The following GLI2 variants were observed in gnomAD, a reference collection of about 807,000 sequenced individuals.
The protein encoded by GLI2 is transcription activator GLI2.
A neutral mutation model predicts 78.9 loss-of-function variants in GLI2; 22 were observed. That is an observed-to-expected ratio of 0.28 (90% CI 0.20 to 0.40). GLI2 has a LOEUF of 0.40. Ranked by LOEUF, GLI2 falls within the 10% of genes least tolerant of loss-of-function variation. The pLI is 1.00. For missense variants in GLI2, 2,097 were observed against 2,213.2 expected, an observed-to-expected ratio of 0.95 and a Z score of 1.05; for synonymous variants, 974 against 963.7, an observed-to-expected ratio of 1.01 and a Z score of -0.20.
At chr2:120,813,197 G>A (rs1685340590) in intron 2 of GLI2, among the ~76,000 whole-genome samples, 1 of 152,228 alleles carries the variant, frequency 6.6e-6, no homozygotes, top group East Asian at 1.9e-4. Flanking sequence ...TTCCCAAGGA[G>A]GAATTGGAGG....
intron 5 of GLI2, among the ~76,000 whole-genome samples, chr2:120,958,898 G>C (rs901029673): frequency 6.6e-6 from 1 of 152,240 alleles, no homozygotes; most frequent in Non-Finnish European, 1.5e-5. Flanking sequence ...GGCCCGCCCT[G>C]TCAGGTCTGG....
rs186727794 is a variant in GLI2 at position 120,872,436 on chromosome 2, C to T, written c.149-54925C>T. ...CACCTGCCCAGACTAGGGGTGGACA[C>T]AGGGGCTGCAGGATGCATAGAATGT... On this transcript the variant is annotated intron_variant, in intron 2 of 13. Transcript: ENST00000361492. 2.7e-4 allele frequency among the ~76,000 whole-genome samples: 41 copies of T among 152,320 alleles called. No homozygotes were observed. The East Asian group carries it at 7.5e-3, about 28-fold the overall frequency.
chr2:120,768,799 C>CTGTGTGTGTGTGTGTGTG (rs5833852), intron 1 of GLI2, among the ~76,000 whole-genome samples: 1 of 147,628 alleles, frequency 6.8e-6, no homozygotes, highest in African/African-American at 2.5e-5. Flanking sequence ...GGCCCCGCCC[C>CTGTGTGTGTGTGTGTGTG]TGTGTGTGTG....
intron 2 of GLI2, among the ~76,000 whole-genome samples, chr2:120,901,919 AT>A (rs914063568): frequency 1.3e-5 from 2 of 152,088 alleles, no homozygotes; most frequent in African/African-American, 4.8e-5. Context: ...TATACTTGTA[AT>A]TTTTTAGGTA....
Position 120,828,312 on chromosome 2 carries a change from C to T in GLI2, c.148+30844C>T, listed in dbSNP as rs117331903. Among the ~76,000 whole-genome samples the T allele has an allele frequency of 1.8e-3, 276 of 152,340 alleles. 8 individuals carry two copies. In the East Asian group the frequency reaches 0.047, roughly 26 times the overall value. On this transcript the variant is annotated intron_variant, in intron 2 of 13. Transcript: ENST00000361492. ...TCACCAGAGAAAGCACCTGTGAGGC[C>T]AGCCTCTTGTCTGAGCCCCTGCCCG... is the stretch of plus-strand genomic sequence containing the variant.
At chr2:120,873,074 C>T (rs974881997) in intron 2 of GLI2, among the ~76,000 whole-genome samples, 8 of 152,222 alleles carry the variant, frequency 5.3e-5, no homozygotes, top group Non-Finnish European at 1.0e-4. Context: ...TACCTGCCTG[C>T]TTTTTACAAA....
In GLI2 at chr2:120,848,861, C is replaced by T. The variant is rs149462433; in HGVS notation, c.148+51393C>T. 2.1e-3 allele frequency among the ~76,000 whole-genome samples: 320 copies of T among 152,220 alleles called. 1 individual carries two copies. The highest frequency in any genetic ancestry group is 7.0e-3 in the African/African-American group (289 of 41,528). ...GGGATGCCATCTCTGGAGAGCGGAG[C>T]GGCACTCCTGCCCCTGTGTGACAAG... On this transcript the variant is annotated intron_variant, in intron 2 of 13. Coordinates refer to ENST00000361492, the MANE Select transcript of GLI2 (RefSeq NM_001374353.1).
chr2:120,898,568 G>A (rs1177243048), intron 2 of GLI2, among the ~76,000 whole-genome samples: 1 of 152,044 alleles, frequency 6.6e-6, no homozygotes, highest in East Asian at 1.9e-4. Flanking sequence ...TTTACAAAGA[G>A]AGCTTCATTT....
chr2:120,769,235 T>C (rs1027643119), intron 1 of GLI2, among the ~76,000 whole-genome samples: 2 of 152,248 alleles, frequency 1.3e-5, no homozygotes, highest in South Asian at 2.1e-4. Flanking sequence ...AGGACAAAGC[T>C]GTAGATGGGA....
intron 2 of GLI2, among the ~76,000 whole-genome samples, chr2:120,839,688 G>A (rs960796117): frequency 2.6e-4 from 40 of 152,202 alleles, no homozygotes; most frequent in African/African-American, 7.9e-4. Flanking sequence ...TCAGCCACCC[G>A]AGTAGCTGGG....
intron 1 of GLI2, among the ~76,000 whole-genome samples, chr2:120,753,782 T>C (rs1478063558): frequency 1.3e-5 from 2 of 151,916 alleles, no homozygotes; most frequent in Admixed American, 1.3e-4. Flanking sequence ...CCTGCAGTCT[T>C]GGCTACTCGG....
At chr2:120,942,915 CTCAT>C (rs1217681981) in intron 3 of GLI2, among the ~76,000 whole-genome samples, 11 of 146,060 alleles carry the variant, frequency 7.5e-5, no homozygotes, top group African/African-American at 1.3e-4. Context: ...CCCTCACTCA[CTCAT>C]TCATTCATTC....
chr2:120,988,273 C>A lies in GLI2; in HGVS notation c.2308C>A (p.Arg770=). The change falls in exon 14 of 14, where the codon CGG becomes AGG. Residue 770 remains arginine, a synonymous_variant. Coordinates refer to ENST00000361492, the MANE Select transcript of GLI2 (RefSeq NM_001374353.1). ...GGPAGLLPNP[R]LSELSASEVT... Reference sequence around the variant, plus strand: ...GCCCGCGGGGCTGCTGCCGAACCCGCGGCTGTCGGAGCTGTCCGCGAGCGA... The same window carrying A: ...GCCCGCGGGGCTGCTGCCGAACCCGAGGCTGTCGGAGCTGTCCGCGAGCGA... 1 of 1,568,232 alleles carries A rather than the reference C, an allele frequency of 6.4e-7. No homozygotes were observed.
chr2:120,893,666 A>G lies in GLI2; in HGVS notation c.149-33695A>G, dbSNP rs75287401. On this transcript the variant is annotated intron_variant, in intron 2 of 13. Coordinates refer to ENST00000361492, the MANE Select transcript of GLI2 (RefSeq NM_001374353.1). ...AGGAAAAAAGAAGAAAGAAAAAAAA[A>G]AAGGAAAAAGAAAAGCAAAACCAAG... Among the ~76,000 whole-genome samples the G allele has an allele frequency of 1.6e-4, 25 of 152,154 alleles. 2 individuals are homozygous for G. In the East Asian group the frequency reaches 2.9e-3, roughly 18 times the overall value.
rs1553470434 is a variant in GLI2 at position 120,945,957 on chromosome 2, T to TCTCA, written c.255-5285_255-5284insTCAC. ...GCCCTGCCCCTCAGGCATAACCTTC[T>TCTCA]CACACACACACACACACACACACAC... On this transcript the variant is annotated intron_variant, in intron 3 of 13. Coordinates refer to ENST00000361492, the MANE Select transcript of GLI2 (RefSeq NM_001374353.1). 1.6e-3 allele frequency among the ~76,000 whole-genome samples: 214 copies of TCTCA among 134,256 alleles called. 1 individual carries two copies. The highest frequency in any genetic ancestry group is 5.5e-3 in the African/African-American group (206 of 37,722). The allele number at this position is 134,256 out of a possible 152,430, so 88.1% of individuals were successfully genotyped here.
chr2:120,818,581 C>T (rs1176164364), intron 2 of GLI2, among the ~76,000 whole-genome samples: 7 of 152,156 alleles, frequency 4.6e-5, no homozygotes, highest in Non-Finnish European at 1.0e-4. Context: ...TCTCCCTGCC[C>T]CTCCTCCCCA....
intron 13 of GLI2, among the ~76,000 whole-genome samples, 173 bp from the exon 14 acceptor site, chr2:120,988,035 C>G (rs535834810): frequency 4.7e-4 from 71 of 152,330 alleles, no homozygotes; most frequent in Non-Finnish European, 6.2e-4. Context: ...CAAGGCCAGC[C>G]TGGGAAATCC....
At chr2:120,882,269 A>G (rs1677190441) in intron 2 of GLI2, among the ~76,000 whole-genome samples, 1 of 152,104 alleles carries the variant, frequency 6.6e-6, no homozygotes, top group Non-Finnish European at 1.5e-5. Context: ...CCAGGGCGTG[A>G]GGCCTTGGGT....
intron 9 of GLI2, among the ~76,000 whole-genome samples, chr2:120,976,774 C>T (rs771860585): frequency 1.1e-4 from 16 of 152,154 alleles, no homozygotes; most frequent in Admixed American, 2.6e-4. Context: ...TATAGGTGGC[C>T]ACCTCCACCA....
Sources: gnomAD v4.1 joint callset for allele counts (sites outside exome capture counted in the v4.1 genomes callset) on GRCh38, gnomAD v4.1.1 for gene constraint, MANE v1.5 for transcripts, NCBI Gene and HGNC (gene_info 2026-07-23, HGNC 2026-07-21) for gene names.